The following GPC4 variants were observed in gnomAD, a reference collection of about 807,000 sequenced individuals.
The protein encoded by GPC4 is glypican 4.
A neutral mutation model predicts 35.0 loss-of-function variants in GPC4; 10 were observed. The observed-to-expected ratio is 0.29, with a 90% confidence interval of 0.18 to 0.48. GPC4 has a LOEUF of 0.48. Ranked by LOEUF, GPC4 falls within the 20% of genes least tolerant of loss-of-function variation. The pLI is 0.99. For synonymous variants in GPC4, 167 were observed against 170.2 expected, an observed-to-expected ratio of 0.98 and a Z score of 0.15; for missense variants, 322 against 451.3, an observed-to-expected ratio of 0.71 and a Z score of 2.60.
At chrX:133,319,861 T>G (rs1028984035) in intron 3 of GPC4, among the ~76,000 whole-genome samples, 2 of 112,041 alleles carry the variant, frequency 1.8e-5, no homozygotes, top group Non-Finnish European at 3.8e-5. Flanking sequence ...GCTGTCATAC[T>G]CCAAAAATTA....
rs908105717 is a variant in GPC4 at position 133,328,185 on chromosome X, A to G, written c.320-3649T>C. On this transcript the variant is annotated intron_variant, in intron 2 of 8. Coordinates refer to ENST00000370828, the MANE Select transcript of GPC4 (RefSeq NM_001448.3). The stretch of plus-strand genomic sequence containing the variant: ...ACATACAAAAAGTTCCTAAATATTC[A>G]TATATTTAATCTATGAGAGTCAACC... 3.6e-5 allele frequency among the ~76,000 whole-genome samples: 4 copies of G among 111,311 alleles called. No homozygotes were observed. In the Admixed American group the frequency reaches 3.8e-4, roughly 11 times the overall value.
At chrX:133,352,779 C>G (rs1255579698) in intron 1 of GPC4, among the ~76,000 whole-genome samples, 1 of 110,754 alleles carries the variant, frequency 9.0e-6, no homozygotes, top group African/African-American at 3.3e-5. Flanking sequence ...CTGTTTTTTT[C>G]TAGGCTCTAA....
At chrX:133,319,969 G>T (rs1318604373) in intron 3 of GPC4, among the ~76,000 whole-genome samples, 1 of 111,287 alleles carries the variant, frequency 9.0e-6, no homozygotes, top group Middle Eastern at 4.2e-3. Context: ...TCTTGTTTCA[G>T]CGCCTTTAGA....
At chrX:133,393,315 A>G (rs192165148) in intron 1 of GPC4, among the ~76,000 whole-genome samples, 1 of 111,593 alleles carries the variant, frequency 9.0e-6, no homozygotes, top group African/African-American at 3.3e-5. Flanking sequence ...AAGAACCACA[A>G]GAAAAGGCAC....
At chrX:133,338,911 C>T (rs902788489) in intron 2 of GPC4, among the ~76,000 whole-genome samples, 2 of 110,718 alleles carry the variant, frequency 1.8e-5, no homozygotes, top group African/African-American at 3.3e-5. Flanking sequence ...CAACACTATT[C>T]TGTGTTCACC....
At chrX:133,385,316 G>T (rs1275357869) in intron 1 of GPC4, among the ~76,000 whole-genome samples, 3 of 111,950 alleles carry the variant, frequency 2.7e-5, no homozygotes, top group Non-Finnish European at 5.6e-5. Context: ...GGGGAAAAGA[G>T]CATAAAAGTG....
chrX:133,324,661 T>TGATAG, intron 2 of GPC4, 125 bp from the exon 3 acceptor site: 1 of 647,541 alleles, frequency 1.5e-6, no homozygotes, highest in Non-Finnish European at 2.2e-6. Context: ...AAAACGTGTT[T>TGATAG]GTATATAGGG....
chrX:133,361,435 T>C (rs960161533), intron 1 of GPC4, among the ~76,000 whole-genome samples: 1 of 111,692 alleles, frequency 9.0e-6, no homozygotes, highest in Non-Finnish European at 1.9e-5. Context: ...TATCTTAGAA[T>C]GGGCTTATTT....
intron 1 of GPC4, among the ~76,000 whole-genome samples, chrX:133,390,959 T>C (rs2068717070): frequency 8.9e-6 from 1 of 111,846 alleles, no homozygotes; most frequent in African/African-American, 3.2e-5. Flanking sequence ...GCTCATGTTA[T>C]AGCTGTGTCC....
In GPC4 at chrX:133,324,289, A is replaced by C; in HGVS notation, c.567T>G (p.Cys189Trp). The C allele has an allele frequency of 8.3e-7, 1 of 1,211,813 alleles. No homozygotes were observed. Among genetic ancestry groups the C allele is most frequent in the East Asian group, 3.0e-5 (1 of 33,832 alleles). The change falls in exon 3 of 9, where the codon TGT becomes TGG. Residue 189 changes from cysteine to tryptophan, a missense_variant. Around this residue, in one of 3 missense-constraint regions of GPC4, gnomAD observed 163 missense variants for 277.2 expected, o/e 0.59. Transcript: ENST00000370828. ...QYHFTDEYLECVSKYTEQLKP... is the reference protein window; with the variant it reads ...QYHFTDEYLEWVSKYTEQLKP... ...TCAGCTGCTCCGTATACTTGCTCACACATTCCAGATACTCATCTGTAAAGT... is the reference window on the plus strand; with the variant it reads ...TCAGCTGCTCCGTATACTTGCTCACCCATTCCAGATACTCATCTGTAAAGT...
At chrX:133,303,381 C>A in intron 7 of GPC4, 40 bp from the exon 8 acceptor site, 3 of 1,124,771 alleles carry the variant, frequency 2.7e-6, no homozygotes, top group Non-Finnish European at 3.6e-6. Flanking sequence ...ATTCGTAAAG[C>A]GAAAAGATTT....
intron 1 of GPC4, among the ~76,000 whole-genome samples, chrX:133,349,604 T>C (rs2068507872): frequency 9.0e-6 from 1 of 111,653 alleles, no homozygotes; most frequent in South Asian, 3.8e-4. Context: ...ATTTCATGGA[T>C]TGTGTGAGTC....
At chrX:133,390,731 A>G (rs770233485) in intron 1 of GPC4, among the ~76,000 whole-genome samples, 2 of 112,055 alleles carry the variant, frequency 1.8e-5, no homozygotes, top group African/African-American at 3.2e-5. Flanking sequence ...TCAGCTCTCA[A>G]CGCATTTGCA....
At chrX:133,340,222 T>C (rs767698007) in intron 1 of GPC4, among the ~76,000 whole-genome samples, 194 of 109,606 alleles carry the variant, frequency 1.8e-3, no homozygotes, top group Non-Finnish European at 3.3e-3. Flanking sequence ...TGCCCCAGAG[T>C]TCCCCCCCTT....
intron 1 of GPC4, among the ~76,000 whole-genome samples, chrX:133,340,341 T>A (rs1173210480): frequency 9.0e-6 from 1 of 111,513 alleles, no homozygotes; most frequent in East Asian, 2.8e-4. Context: ...CTAGCTACTA[T>A]CACTTCAGTC....
At chrX:133,368,992 G>A (rs17000443) in intron 1 of GPC4, among the ~76,000 whole-genome samples, 5,151 of 111,053 alleles carry the variant, frequency 0.046, 122 homozygotes, top group Middle Eastern at 0.1. Context: ...AATTTTGTTC[G>A]CATATCAAAG....
intron 1 of GPC4, among the ~76,000 whole-genome samples, chrX:133,348,972 G>GT (rs1390269431): frequency 8.9e-6 from 1 of 112,439 alleles, no homozygotes; most frequent in African/African-American, 3.2e-5. Context: ...GATCACGTCT[G>GT]TTAGAGCCCC....
In GPC4 at chrX:133,319,468, A is replaced by AG. The variant is rs1333025536; in HGVS notation, c.711+4676_711+4677insC. Among the ~76,000 whole-genome samples the AG allele has an allele frequency of 3.0e-3, 315 of 106,088 alleles. 3 individuals are homozygous for AG. Among genetic ancestry groups the AG allele is most frequent in the Non-Finnish European group, 5.4e-3 (278 of 51,470 alleles). 92.1% of individuals were successfully genotyped at this position (106,088 alleles called of 115,157 possible). ...CAAAAAAAAAAAAAAAAAAAAAAAA[A>AG]AAAGAAAGAAGGAAAGAAAGAAAGA... On this transcript the variant is annotated intron_variant, in intron 3 of 8. Coordinates refer to ENST00000370828, the MANE Select transcript of GPC4 (RefSeq NM_001448.3).
chrX:133,390,841 A>G (rs1396363639), intron 1 of GPC4, among the ~76,000 whole-genome samples: 1 of 111,396 alleles, frequency 9.0e-6, no homozygotes, highest in African/African-American at 3.3e-5. Context: ...TGATGTGCTC[A>G]CTTGCTGAAT....
Sources: allele counts gnomAD v4.1 joint callset (sites outside exome capture counted in the v4.1 genomes callset), GRCh38; gene constraint gnomAD v4.1.1; regional missense constraint gnomAD v4.1.1; transcripts MANE v1.5; gene names NCBI Gene and HGNC (gene_info 2026-07-23, HGNC 2026-07-21).